Variants in ARHGAP10 observed in about 807,000 individuals in gnomAD.
ARHGAP10 encodes rho GTPase-activating protein 10.
Under a neutral mutation model 108.6 loss-of-function variants are expected in ARHGAP10, and 87 were observed. The observed-to-expected ratio is 0.80, with a 90% CI of 0.67 to 0.96. The LOEUF is 0.96. Ranked by LOEUF, ARHGAP10 falls within the 40% of genes least tolerant of loss-of-function variation. The probability of loss-of-function intolerance (pLI) is 0.00; values close to 1 mark genes in which losing one functional copy is unlikely to be tolerated. For missense variants in ARHGAP10, 939 were observed against 954.5 expected (o/e 0.98, Z 0.21); for synonymous variants, 347 against 341.1 (o/e 1.02, Z -0.19).
At chr4:147,764,457 C>T (rs1463456036) in intron 1 of ARHGAP10, among the ~76,000 whole-genome samples, 2 of 151,642 alleles carry the variant, frequency 1.3e-5, no homozygotes, top group Non-Finnish European at 2.9e-5. Flanking sequence ...CTCCCATCGG[C>T]TCCCATGCAG....
chr4:147,732,505 G>A (rs1462370335), intron 1 of ARHGAP10, 50 bp downstream of exon 1: 1 of 1,601,674 alleles, frequency 6.2e-7, no homozygotes, highest in African/African-American at 1.4e-5. Flanking sequence ...GAGGCGGCTG[G>A]GGGAGCCTCT....
chr4:147,976,654 G>A (rs965052328), intron 18 of ARHGAP10, among the ~76,000 whole-genome samples: 5 of 151,852 alleles, frequency 3.3e-5, no homozygotes, highest in African/African-American at 9.7e-5. Context: ...CCTTTAAGGA[G>A]AGAAGGAAAA....
chr4:148,008,864 T>A (rs1741056998), intron 18 of ARHGAP10, among the ~76,000 whole-genome samples: 1 of 152,098 alleles, frequency 6.6e-6, no homozygotes, highest in Admixed American at 6.6e-5. Flanking sequence ...AAACATTGAA[T>A]GCAGAAGGAG....
intron 1 of ARHGAP10, among the ~76,000 whole-genome samples, chr4:147,746,243 A>G (rs1348034945): frequency 6.6e-6 from 1 of 150,618 alleles, no homozygotes; most frequent in African/African-American, 2.5e-5. Flanking sequence ...AGCTGGGACT[A>G]CAGGCATGCA....
At chr4:147,986,610 C>G (rs1176016843) in intron 18 of ARHGAP10, among the ~76,000 whole-genome samples, 4 of 152,112 alleles carry the variant, frequency 2.6e-5, no homozygotes, top group African/African-American at 9.7e-5. Flanking sequence ...AAGACAGTCT[C>G]TCTAGGATCT....
intron 3 of ARHGAP10, among the ~76,000 whole-genome samples, chr4:147,845,448 G>A (rs1463772175): frequency 2.0e-5 from 3 of 152,122 alleles, no homozygotes; most frequent in Non-Finnish European, 2.9e-5. Flanking sequence ...TGTTTATCTC[G>A]TAAAATAGAT....
At chr4:147,810,670 A>G (rs1338712483) in intron 1 of ARHGAP10, among the ~76,000 whole-genome samples, 9 of 152,188 alleles carry the variant, frequency 5.9e-5, no homozygotes, top group Non-Finnish European at 1.3e-4. Context: ...ATGCACATAC[A>G]GTGATTTGCC....
Position 147,798,773 on chromosome 4 carries a change from CTCTCTCTCTATATA to C in ARHGAP10, c.155-23952_155-23939del, listed in dbSNP as rs1560764824. On this transcript the variant is annotated intron_variant, in intron 1 of 22. Transcript: ENST00000336498. ...TCTCTCTCTCTCTCTCTCTCTCTCT[CTCTCTCTCTATATA>C]TATATATATATATATATATATATAT... is the stretch of plus-strand genomic sequence containing the variant. Among the ~76,000 whole-genome samples, 18 of 4,704 alleles carry C rather than the reference CTCTCTCTCTATATA, an allele frequency of 3.8e-3. 1 individual carries two copies. The highest frequency in any genetic ancestry group is 5.9e-3 in the Admixed American group (1 of 170). The allele number at this position is 4,704 out of a possible 152,430, so 3.1% of individuals were successfully genotyped here. A position where few individuals can be genotyped will look rare whatever the true frequency, so the allele number is the denominator to read the frequency against.
chr4:147,921,588 C>G (rs892945197), intron 13 of ARHGAP10, among the ~76,000 whole-genome samples: 5 of 152,294 alleles, frequency 3.3e-5, no homozygotes, highest in African/African-American at 9.6e-5. Context: ...GGCAGAACTT[C>G]TATCCTAAAA....
chr4:147,860,112 G>T (rs999644082), intron 5 of ARHGAP10, among the ~76,000 whole-genome samples: 34 of 152,292 alleles, frequency 2.2e-4, no homozygotes, highest in African/African-American at 7.2e-4. Flanking sequence ...GCTTAGAAAC[G>T]TACATAATTC....
rs546879714 is a variant in ARHGAP10 at position 147,933,454 on chromosome 4, A to G, written c.1229-6371A>G. On this transcript the variant is annotated intron_variant, in intron 13 of 22. Transcript: ENST00000336498. ...ATTGAGGGATTAGCTGTTTATTTTC[A>G]TCTACCCAGTCTGGCTTTGTGCCTG... 6.0e-5 allele frequency among the ~76,000 whole-genome samples: 9 copies of G among 150,680 alleles called. No homozygotes were observed. The East Asian group carries it at 1.8e-3, about 29-fold the overall frequency.
chr4:147,915,023 A>G (rs190633324), intron 13 of ARHGAP10, among the ~76,000 whole-genome samples: 19 of 152,300 alleles, frequency 1.2e-4, no homozygotes, highest in Non-Finnish European at 2.1e-4. Context: ...TCACTCTCAT[A>G]TATTCTGTAT....
Position 147,825,360 on chromosome 4 carries a change from T to G in ARHGAP10, c.312+2403T>G, listed in dbSNP as rs1732665776. On this transcript the variant is annotated intron_variant, in intron 3 of 22. Coordinates refer to ENST00000336498, the MANE Select transcript of ARHGAP10 (RefSeq NM_024605.4). ...TACTTGGGAGGCTGAGGCAGGAGAA[T>G]CAGTTGAGCCCGGGAGGCGGAGGTT... Among the ~76,000 whole-genome samples, 7 of 151,716 alleles carry G rather than the reference T, an allele frequency of 4.6e-5. No homozygotes were observed. The South Asian group carries it at 1.5e-3, about 32-fold the overall frequency.
chr4:147,867,342 A>T (rs953523887), intron 7 of ARHGAP10, among the ~76,000 whole-genome samples: 19 of 152,142 alleles, frequency 1.2e-4, no homozygotes, highest in African/African-American at 4.1e-4. Context: ...TAAGCAGTAC[A>T]CTATATGTCA....
chr4:147,950,812 C>A (rs1039558073), intron 15 of ARHGAP10, among the ~76,000 whole-genome samples: 7 of 152,004 alleles, frequency 4.6e-5, no homozygotes, highest in African/African-American at 1.7e-4. Flanking sequence ...TTCATTACAG[C>A]AGTTTTCTGT....
chr4:148,005,761 T>C (rs903647047), intron 18 of ARHGAP10, among the ~76,000 whole-genome samples: 9 of 152,262 alleles, frequency 5.9e-5, no homozygotes, highest in African/African-American at 2.2e-4. Flanking sequence ...GGTTCTTGTG[T>C]CTTGTCCTTC....
At chr4:148,058,153 A>G (rs1348909890) in intron 20 of ARHGAP10, among the ~76,000 whole-genome samples, 3 of 152,144 alleles carry the variant, frequency 2.0e-5, no homozygotes, top group African/African-American at 2.4e-5. Context: ...CTTTATTAAC[A>G]TTTTCAAACA....
At chr4:148,001,223 G>A (rs1740706050) in intron 18 of ARHGAP10, among the ~76,000 whole-genome samples, 1 of 152,164 alleles carries the variant, frequency 6.6e-6, no homozygotes, top group Non-Finnish European at 1.5e-5. Flanking sequence ...TCATACGGTT[G>A]TAGATGTGTG....
At chr4:147,781,980 G>A (rs1372688751) in intron 1 of ARHGAP10, among the ~76,000 whole-genome samples, 2 of 151,890 alleles carry the variant, frequency 1.3e-5, no homozygotes, top group Non-Finnish European at 2.9e-5. Flanking sequence ...TCTGAAATAC[G>A]GTAAAATAAG....
Sources: gnomAD v4.1 joint callset for allele counts (sites outside exome capture counted in the v4.1 genomes callset) on GRCh38, gnomAD v4.1.1 for gene constraint, MANE v1.5 for transcripts, NCBI Gene and HGNC (gene_info 2026-07-23, HGNC 2026-07-21) for gene names.